The following NLGN1 variants were observed in gnomAD, a reference collection of about 807,000 sequenced individuals.
The protein encoded by NLGN1 is neuroligin-1.
NLGN1 carries 12 observed loss-of-function variants against 65.5 expected under a neutral mutation model. The observed-to-expected ratio is 0.18, with a 90% CI of 0.12 to 0.30. The LOEUF is 0.30. Among genes scored for constraint, NLGN1 ranks in the 10% least tolerant of loss-of-function variants. NLGN1 has a pLI of 1.00. For synonymous variants in NLGN1, 350 were observed against 359.5 expected (o/e 0.97, Z 0.30); for missense variants, 750 against 1,007.1 (o/e 0.74, Z 3.46).
At chr3:174,221,155 C>T (rs1577421905) in intron 4 of NLGN1, among the ~76,000 whole-genome samples, 1 of 152,188 alleles carries the variant, frequency 6.6e-6, no homozygotes, top group South Asian at 2.1e-4. Context: ...TTTTGCCAGC[C>T]CACCTTGAAA....
At chr3:173,684,576 G>T (rs1361889733) in intron 3 of NLGN1, among the ~76,000 whole-genome samples, 1 of 152,126 alleles carries the variant, frequency 6.6e-6, no homozygotes, top group Non-Finnish European at 1.5e-5. Context: ...GATGTTCAAA[G>T]AACCCAATTT....
At position 173,988,928 on chromosome 3, in the gene NLGN1, C is replaced by T. The variant is rs553143802; in HGVS notation, c.646+181096C>T. Among the ~76,000 whole-genome samples, 48 of 152,260 alleles carry T rather than the reference C, an allele frequency of 3.2e-4. No individual in the cohort carries two copies. The South Asian group carries it at 5.4e-3, about 17-fold the overall frequency. ...TTTAATCCCCTCTCAACCTTGTTCTCTCTTTTTCTGTTGACCAATCCACTT... is the reference window on the plus strand; with the variant it reads ...TTTAATCCCCTCTCAACCTTGTTCTTTCTTTTTCTGTTGACCAATCCACTT... On this transcript the variant is annotated intron_variant, in intron 4 of 6. Transcript: ENST00000457714.
At chr3:174,189,544 T>A (rs1048212639) in intron 4 of NLGN1, among the ~76,000 whole-genome samples, 4 of 152,016 alleles carry the variant, frequency 2.6e-5, no homozygotes, top group Non-Finnish European at 2.9e-5. Flanking sequence ...GTGAAAATAT[T>A]TGCCATTTTA....
chr3:173,710,540 A>G (rs962929473), intron 3 of NLGN1, among the ~76,000 whole-genome samples: 1 of 152,208 alleles, frequency 6.6e-6, no homozygotes, highest in African/African-American at 2.4e-5. Flanking sequence ...TTAATTTCCT[A>G]GGACTTGGTT....
chr3:173,504,598 G>A (rs1289594709), intron 2 of NLGN1, among the ~76,000 whole-genome samples: 1 of 151,934 alleles, frequency 6.6e-6, no homozygotes, highest in African/African-American at 2.4e-5. Context: ...CACAGCCCAA[G>A]GTTAAGAAAG....
intron 4 of NLGN1, among the ~76,000 whole-genome samples, chr3:174,004,473 T>G (rs915753893): frequency 1.3e-5 from 2 of 152,144 alleles, no homozygotes; most frequent in African/African-American, 4.8e-5. Flanking sequence ...ATTTTATATA[T>G]CTTTTTTTAT....
At chr3:173,891,631 C>G (rs893537644) in intron 4 of NLGN1, among the ~76,000 whole-genome samples, 1 of 152,118 alleles carries the variant, frequency 6.6e-6, no homozygotes, top group Admixed American at 6.6e-5. Flanking sequence ...GGCCAATGTC[C>G]AGGCCCATTT....
At chr3:174,290,889 A>C (rs1468783472), downstream of NLGN1, among the ~76,000 whole-genome samples, 5 of 151,096 alleles carry the variant, frequency 3.3e-5, no homozygotes, top group Non-Finnish European at 5.9e-5. Flanking sequence ...AAGTTCTGAC[A>C]AGTTTTTGAG....
At chr3:173,477,385 A>C (rs533504137) in intron 2 of NLGN1, among the ~76,000 whole-genome samples, 2 of 152,190 alleles carry the variant, frequency 1.3e-5, no homozygotes, top group East Asian at 1.9e-4. Flanking sequence ...TATGGAAAAA[A>C]AACAACAACA....
intron 4 of NLGN1, among the ~76,000 whole-genome samples, chr3:174,223,214 T>C (rs980636818): frequency 2.0e-5 from 3 of 152,186 alleles, no homozygotes; most frequent in Non-Finnish European, 2.9e-5. Flanking sequence ...CCCCTAAATA[T>C]GTGCTTTATC....
rs371951683 is a variant in NLGN1 at position 173,563,413 on chromosome 3, G to A, written c.-320-40866G>A. On this transcript the variant is annotated intron_variant, in intron 2 of 6. Coordinates refer to ENST00000457714, the Ensembl canonical transcript of NLGN1. ...GTTGAAAAAATCTAAAGGAAATAAC[G>A]TATAGGTAAATCTGCCCTGAAAGCC... Among the ~76,000 whole-genome samples, 50 of 152,244 alleles carry A rather than the reference G, an allele frequency of 3.3e-4. 1 individual carries two copies. The highest frequency in any genetic ancestry group is 1.0e-3 in the Admixed American group (16 of 15,294).
At chr3:174,116,648 A>C (rs1016976831) in intron 4 of NLGN1, among the ~76,000 whole-genome samples, 1 of 152,068 alleles carries the variant, frequency 6.6e-6, no homozygotes, top group African/African-American at 2.4e-5. Context: ...AACATGTAAG[A>C]TTTTTAGAAC....
intron 4 of NLGN1, among the ~76,000 whole-genome samples, chr3:174,258,492 C>T (rs1746218318): frequency 6.6e-6 from 1 of 152,084 alleles, no homozygotes; most frequent in Non-Finnish European, 1.5e-5. Flanking sequence ...ATACTTTATA[C>T]TTACCCCATG....
At chr3:174,268,225 A>G (rs939357630) in intron 4 of NLGN1, among the ~76,000 whole-genome samples, 11 of 152,262 alleles carry the variant, frequency 7.2e-5, no homozygotes, top group African/African-American at 2.6e-4. Flanking sequence ...TAGAAGAGAT[A>G]TTCTTCTTTT....
intron 2 of NLGN1, among the ~76,000 whole-genome samples, chr3:173,539,401 AT>A (rs1463638475): frequency 5.5e-5 from 8 of 146,670 alleles, no homozygotes; most frequent in South Asian, 2.1e-4. Context: ...AAACATATAT[AT>A]GTTATATATT....
At chr3:173,622,535 G>A (rs1048323565) in intron 3 of NLGN1, among the ~76,000 whole-genome samples, 1 of 151,770 alleles carries the variant, frequency 6.6e-6, no homozygotes, top group Admixed American at 6.6e-5. Flanking sequence ...ATTGCTTTCC[G>A]ATGCTGACCT....
intron 4 of NLGN1, among the ~76,000 whole-genome samples, chr3:173,911,236 A>G (rs968726358): frequency 2.6e-5 from 4 of 152,186 alleles, no homozygotes; most frequent in African/African-American, 9.6e-5. Context: ...TATAGCTAAT[A>G]TTCTTTTCTC....
At chr3:173,986,532 A>T (rs987108065) in intron 4 of NLGN1, among the ~76,000 whole-genome samples, 15 of 152,166 alleles carry the variant, frequency 9.9e-5, no homozygotes, top group Non-Finnish European at 2.2e-4. Flanking sequence ...CAAGACAGAC[A>T]TGCACCAAGG....
chr3:173,450,966 A>AT (rs1019737813), intron 2 of NLGN1, among the ~76,000 whole-genome samples: 2 of 151,624 alleles, frequency 1.3e-5, no homozygotes, highest in Non-Finnish European at 2.9e-5. Flanking sequence ...CATTCATCTA[A>AT]TTTTTTTTCA....
Sources: gnomAD v4.1 joint callset for allele counts (sites outside exome capture counted in the v4.1 genomes callset) on GRCh38, gnomAD v4.1.1 for gene constraint, MANE v1.5 for transcripts, NCBI Gene and HGNC (gene_info 2026-07-23, HGNC 2026-07-21) for gene names.